Variants in SLC24A2 observed in about 807,000 individuals in gnomAD.
SLC24A2 encodes solute carrier family 24 member 2.
A neutral mutation model predicts 62.0 loss-of-function variants in SLC24A2; 36 were observed. That is an observed-to-expected ratio of 0.58 (90% CI 0.44 to 0.77). SLC24A2 has a LOEUF of 0.77. Among genes scored for constraint, SLC24A2 ranks in the 30% least tolerant of loss-of-function variants. The probability of loss-of-function intolerance (pLI) is 0.00; values close to 1 mark genes in which losing one functional copy is unlikely to be tolerated. For synonymous variants in SLC24A2, 358 were observed against 294.0 expected, an observed-to-expected ratio of 1.22 and a Z score of -2.23; for missense variants, 846 against 817.9, an observed-to-expected ratio of 1.03 and a Z score of -0.42.
intron 2 of SLC24A2, among the ~76,000 whole-genome samples, chr9:19,700,523 C>T (rs559892042): frequency 6.6e-6 from 1 of 152,126 alleles, no homozygotes; most frequent in African/African-American, 2.4e-5. Flanking sequence ...ACAAAGTAAG[C>T]AGAACTTGGG....
At chr9:19,651,615 G>A (rs1818804452) in intron 2 of SLC24A2, among the ~76,000 whole-genome samples, 1 of 152,158 alleles carries the variant, frequency 6.6e-6, no homozygotes, top group Non-Finnish European at 1.5e-5. Context: ...GTTAGTCTAT[G>A]GGAAGCAAAC....
chr9:20,007,367 T>G, the SLC24A2 span, among the ~76,000 whole-genome samples: 2 of 152,132 alleles, frequency 1.3e-5, no homozygotes, highest in Non-Finnish European at 2.9e-5. Context: ...AAAAGGTGCA[T>G]TGATTAACTG....
chr9:19,784,773 C>G (rs986535069), intron 2 of SLC24A2, among the ~76,000 whole-genome samples: 1 of 152,104 alleles, frequency 6.6e-6, no homozygotes, highest in Non-Finnish European at 1.5e-5. Context: ...AACAAGCATA[C>G]GAGAGAAATG....
chr9:19,956,970 T>C, the SLC24A2 span, among the ~76,000 whole-genome samples: 343 of 152,334 alleles, frequency 2.3e-3, 2 homozygotes, highest in East Asian at 5.8e-3. Flanking sequence ...GGCTTGGTCT[T>C]GGACTTCCCA....
chr9:19,702,086 G>C (rs1218610699), intron 2 of SLC24A2, among the ~76,000 whole-genome samples: 1 of 152,146 alleles, frequency 6.6e-6, no homozygotes, highest in African/African-American at 2.4e-5. Context: ...TTCATGTAAA[G>C]ACAGAATTAA....
At chr9:19,781,206 A>T (rs868386784) in intron 2 of SLC24A2, among the ~76,000 whole-genome samples, 1 of 152,144 alleles carries the variant, frequency 6.6e-6, no homozygotes, top group Non-Finnish European at 1.5e-5. Context: ...CCAAAACCAC[A>T]CTCTGGATGT....
At chr9:19,603,577 T>C (rs886483690) in intron 4 of SLC24A2, among the ~76,000 whole-genome samples, 2 of 152,204 alleles carry the variant, frequency 1.3e-5, no homozygotes, top group Non-Finnish European at 2.9e-5. Flanking sequence ...AAAGTCTAAT[T>C]CCACCCCTAA....
chr9:20,239,893 T>A, the SLC24A2 span, among the ~76,000 whole-genome samples: 9 of 140,426 alleles, frequency 6.4e-5, no homozygotes, highest in African/African-American at 2.4e-4. Context: ...TTTTTTTTTG[T>A]CACGGAGTTG....
At chr9:19,521,599 T>A (rs534351214) in intron 9 of SLC24A2, among the ~76,000 whole-genome samples, 36 of 152,318 alleles carry the variant, frequency 2.4e-4, no homozygotes, top group Non-Finnish European at 4.6e-4. Context: ...TGGTAACACA[T>A]AGCAAAGCAA....
the SLC24A2 span, among the ~76,000 whole-genome samples, chr9:20,193,380 T>C: frequency 6.6e-6 from 1 of 152,142 alleles, no homozygotes; most frequent in South Asian, 2.1e-4. Context: ...CAGCTTCCCT[T>C]TAAAATTTCT....
chr9:19,816,273 C>T, the SLC24A2 span, among the ~76,000 whole-genome samples: 1 of 152,034 alleles, frequency 6.6e-6, no homozygotes. Flanking sequence ...CCCCTAGGAT[C>T]TTAGAGTCTT....
chr9:20,182,513 T>C, the SLC24A2 span, among the ~76,000 whole-genome samples: 5 of 152,328 alleles, frequency 3.3e-5, no homozygotes, highest in South Asian at 1.0e-3. Context: ...GAAACCATCA[T>C]TCTCAGCAAA....
intron 9 of SLC24A2, among the ~76,000 whole-genome samples, chr9:19,524,991 A>G (rs1230006056): frequency 6.6e-6 from 1 of 152,180 alleles, no homozygotes; most frequent in Non-Finnish European, 1.5e-5. Context: ...AAACTATTAT[A>G]TGTTATAAAT....
the SLC24A2 span, among the ~76,000 whole-genome samples, chr9:19,871,844 T>G: frequency 6.6e-6 from 1 of 152,214 alleles, no homozygotes. Context: ...AAGCTCATTT[T>G]TACTGGTTAT....
intron 2 of SLC24A2, among the ~76,000 whole-genome samples, chr9:19,744,051 C>T (rs1821757518): frequency 6.6e-6 from 1 of 152,044 alleles, no homozygotes. Context: ...TAGAGGGGAC[C>T]CCCCACAGTA....
chr9:19,912,833 C>A, the SLC24A2 span, among the ~76,000 whole-genome samples: 8 of 152,028 alleles, frequency 5.3e-5, no homozygotes, highest in Non-Finnish European at 1.5e-5. Flanking sequence ...TCTATTTTGT[C>A]CCAAAATGAT....
intron 2 of SLC24A2, among the ~76,000 whole-genome samples, chr9:19,658,467 T>C (rs986857881): frequency 6.6e-6 from 1 of 152,166 alleles, no homozygotes; most frequent in African/African-American, 2.4e-5. Context: ...AATAAAACAA[T>C]AGCTAACATT....
At chr9:19,561,327 G>GGTAA (rs10641023) in intron 7 of SLC24A2, among the ~76,000 whole-genome samples, 16,752 of 147,514 alleles carry the variant, frequency 0.11, 974 homozygotes, top group African/African-American at 0.16. Context: ...GTGAAAAAGA[G>GGTAA]GTAAGTTTAC....
At chr9:19,800,544 G>T in the SLC24A2 span, among the ~76,000 whole-genome samples, 2 of 152,118 alleles carry the variant, frequency 1.3e-5, no homozygotes, top group Non-Finnish European at 1.5e-5. Context: ...GGTTAATTGT[G>T]TATGGAATTT....
Sources: allele counts gnomAD v4.1 joint callset (sites outside exome capture counted in the v4.1 genomes callset), GRCh38; gene constraint gnomAD v4.1.1; transcripts MANE v1.5; gene names NCBI Gene and HGNC (gene_info 2026-07-23, HGNC 2026-07-21).